The following COL6A2 variants were observed in gnomAD, a reference collection of about 807,000 sequenced individuals.
COL6A2 encodes the protein collagen type VI alpha 2 chain.
COL6A2 carries 90 observed loss-of-function variants against 124.9 expected under a neutral mutation model. That is an observed-to-expected ratio of 0.72 (90% CI 0.61 to 0.86). The LOEUF is 0.86. Ranked by LOEUF, COL6A2 falls within the 40% of genes least tolerant of loss-of-function variation. The pLI is 0.00. For synonymous variants in COL6A2, 793 were observed against 618.2 expected (o/e 1.28, Z -4.19); for missense variants, 1,607 against 1,502.5 (o/e 1.07, Z -1.15).
intron 27 of COL6A2, 116 bp downstream of exon 27, chr21:46,126,657 C>G (rs1423054836): frequency 8.7e-6 from 11 of 1,271,514 alleles, no homozygotes; most frequent in Non-Finnish European, 1.2e-5. Flanking sequence ...GGCGGCGGAG[C>G]CACTGCGGAG....
At chr21:46,122,749 C>T in intron 20 of COL6A2, 126 bp from the exon 21 acceptor site, 1 of 1,092,554 alleles carries the variant, frequency 9.2e-7, no homozygotes, top group Non-Finnish European at 1.4e-6. Context: ...TGCAAAAAAA[C>T]CACATAGATG....
intron 6 of COL6A2, 30 bp from the exon 7 acceptor site, chr21:46,115,979 G>C: frequency 6.2e-7 from 1 of 1,611,828 alleles, no homozygotes; most frequent in South Asian, 1.1e-5. Context: ...CCCCAGGGCT[G>C]GGCTCACACT....
intron 1 of COL6A2, among the ~76,000 whole-genome samples, chr21:46,103,676 G>A (rs528451525): frequency 6.6e-6 from 1 of 152,148 alleles, no homozygotes; most frequent in East Asian, 1.9e-4. Flanking sequence ...ATTTAACAGG[G>A]TGTTGTTTAA....
Position 46,116,894 on chromosome 21 carries a change from G to C in COL6A2, c.999+80G>C, listed in dbSNP as rs889313130. The C allele has an allele frequency of 7.0e-7, 1 of 1,422,986 alleles. No individual in the cohort carries two copies. Among genetic ancestry groups the C allele is most frequent in the Admixed American group, 1.7e-5 (1 of 58,288 alleles). The allele number at this position is 1,422,986 out of a possible 1,614,324, so 88.1% of individuals were successfully genotyped here. A position where few individuals can be genotyped will look rare whatever the true frequency, so the allele number is the denominator to read the frequency against. On this transcript the variant is annotated intron_variant, in intron 10 of 27. Coordinates refer to ENST00000300527, the MANE Select transcript of COL6A2 (RefSeq NM_001849.4). This position sits in a 1 kb window ranked among gnomAD's most constrained non-coding sequence, Gnocchi z 4.6. ...TCTGCAGGGCCCCCAGATCCAGCCT[G>C]ATCTGTCAGCTTACACATGTGTACA... is the stretch of plus-strand genomic sequence containing the variant.
chr21:46,120,716 GC>G, intron 16 of COL6A2, 139 bp downstream of exon 16: 2 of 834,230 alleles, frequency 2.4e-6, no homozygotes, highest in Non-Finnish European at 1.9e-6. Context: ...GGTAAGGGGG[GC>G]CCAGGTGAGG....
In COL6A2 at chr21:46,119,040, G is replaced by A. The variant is rs746129368; in HGVS notation, c.1190G>A (p.Gly397Asp). The change falls in exon 14 of 28, where the codon GGC becomes GAC. Residue 397 changes from glycine (G) to aspartate (D), a missense_variant. Transcript: ENST00000300527. ...IGAKGSKGYQ[G>D]NSGAPGSPGV... ...CCTCTCCTTCTTCAGGGGTATCAAGGCAACAGTGGAGCCCCAGGAAGTCCT... is the reference window on the plus strand; with the variant it reads ...CCTCTCCTTCTTCAGGGGTATCAAGACAACAGTGGAGCCCCAGGAAGTCCT... 6.2e-7 allele frequency: 1 copy of A among 1,611,774 alleles called. No homozygotes were observed. Among genetic ancestry groups the A allele is most frequent in the East Asian group, 2.2e-5 (1 of 44,792 alleles).
chr21:46,129,879 G>T, intron 27 of COL6A2: 1 of 1,025,370 alleles, frequency 9.8e-7, no homozygotes, highest in Non-Finnish European at 1.2e-6. Context: ...AGTCTTTGGA[G>T]GCCCTTACTT....
At chr21:46,105,860 G>C (rs187084808) in intron 1 of COL6A2, among the ~76,000 whole-genome samples, 263 of 151,188 alleles carry the variant, frequency 1.7e-3, no homozygotes, top group Non-Finnish European at 2.3e-3. Context: ...AATGAAAGAA[G>C]TCCCTCTTTA....
rs937947934 is a variant in COL6A2, at chr21:46,129,470, G to C, written c.2462-2484G>C. ...ACAGGGACATCGTGGGGGACCCCGA[G>C]ACCGCGCTGGCCCTCTGCTAAAGCC... On this transcript the variant is annotated intron_variant, in intron 27 of 27. Transcript: ENST00000300527. 1.9e-6 allele frequency: 3 copies of C among 1,594,832 alleles called. No homozygotes were observed. The Admixed American group carries it at 5.0e-5, about 27-fold the overall frequency.
At chr21:46,120,666 C>T (rs2078550829) in intron 16 of COL6A2, 89 bp downstream of exon 16, 6 of 1,259,538 alleles carry the variant, frequency 4.8e-6, no homozygotes, top group South Asian at 1.6e-5. Flanking sequence ...GCCGGGACTG[C>T]ACCCCAAGGT....
chr21:46,125,156 C>A, intron 23 of COL6A2, 110 bp from the exon 24 acceptor site: 1 of 1,154,362 alleles, frequency 8.7e-7, no homozygotes, highest in Non-Finnish European at 1.3e-6. Context: ...CCCCGCATGG[C>A]TGCCTCCACA....
chr21:46,107,294 G>A (rs9637171), intron 1 of COL6A2, among the ~76,000 whole-genome samples: 98,635 of 151,714 alleles, frequency 0.65, 32,282 homozygotes, highest in East Asian at 0.8. Flanking sequence ...TAAGGGGTCT[G>A]GGGAGTCATG....
At chr21:46,123,651 G>A (rs926517648) in intron 21 of COL6A2, among the ~76,000 whole-genome samples, 9 of 151,210 alleles carry the variant, frequency 6.0e-5, no homozygotes, top group Non-Finnish European at 1.0e-4. Context: ...ATGGATAAGT[G>A]GATACATGGG....
intron 27 of COL6A2, chr21:46,128,817 G>C: frequency 8.2e-6 from 9 of 1,099,756 alleles, no homozygotes; most frequent in South Asian, 1.2e-5. Context: ...TTCTCAGGCG[G>C]GCTCTTGAGG....
In COL6A2 at chr21:46,124,216, GGATGGAT is replaced by G. The variant is rs1030882111; in HGVS notation, c.1672-426_1672-420del. ...TGGATGGGTTAGTGGGTGGCTGGGT[GGATGGAT>G]GATGGATGGGTGACTGGGTGGATGG... On this transcript the variant is annotated intron_variant, in intron 21 of 27. Coordinates refer to ENST00000300527, the MANE Select transcript of COL6A2 (RefSeq NM_001849.4). Among the ~76,000 whole-genome samples the G allele has an allele frequency of 7.9e-4, 119 of 150,332 alleles. 1 individual carries two copies. Among genetic ancestry groups the G allele is most frequent in the Non-Finnish European group, 7.9e-4 (53 of 67,160 alleles).
intron 27 of COL6A2, among the ~76,000 whole-genome samples, chr21:46,126,932 G>A (rs1022423753): frequency 7.2e-5 from 11 of 152,154 alleles, no homozygotes; most frequent in Non-Finnish European, 1.3e-4. Context: ...AAACCATCCC[G>A]GGGTGGAAGC....
Position 46,116,062 on chromosome 21 carries a change from C to G in COL6A2, c.900+9C>G. 1 of 1,575,332 alleles carries G rather than the reference C, an allele frequency of 6.3e-7. No homozygotes were observed. The highest frequency in any genetic ancestry group is 8.6e-7 in the Non-Finnish European group (1 of 1,161,354). On this transcript the variant is annotated intron_variant, in intron 7 of 27. Transcript: ENST00000300527. The surrounding 1 kb of genome is among the most constrained non-coding windows in gnomAD (Gnocchi z 4.6). ...GATTCCCAGGACCCAAGGTGAGTGACCTCGGCCAGGGGCTTGGCTCCACCC... is the reference window on the plus strand; with the variant it reads ...GATTCCCAGGACCCAAGGTGAGTGAGCTCGGCCAGGGGCTTGGCTCCACCC...
Position 46,129,278 on chromosome 21 carries a change from T to TC in COL6A2, c.2462-2672dup. ...CGGACGCCACCTTCCCCAGGACCAT[T>TC]CCCCTGATCCAACAGTTGCTAAACG... On this transcript the variant is annotated intron_variant, in intron 27 of 27. Coordinates refer to ENST00000300527, the MANE Select transcript of COL6A2 (RefSeq NM_001849.4). 1.9e-6 allele frequency: 3 copies of TC among 1,612,790 alleles called. No homozygotes were observed. The South Asian group carries it at 3.3e-5, about 18-fold the overall frequency.
chr21:46,099,950 G>T (rs1044108996), intron 1 of COL6A2, among the ~76,000 whole-genome samples: 1 of 137,530 alleles, frequency 7.3e-6, no homozygotes, highest in Non-Finnish European at 1.5e-5. Context: ...TTGTTGGGGG[G>T]TTTGTTCTGC....
Sources: gnomAD v4.1 joint callset for allele counts (sites outside exome capture counted in the v4.1 genomes callset) on GRCh38, gnomAD v4.1.1 for gene constraint, Gnocchi (gnomAD v3.1) non-coding constraint, MANE v1.5 for transcripts, NCBI Gene and HGNC (gene_info 2026-07-23, HGNC 2026-07-21) for gene names.